ABL2: variants seen among roughly 807,000 people sequenced by gnomAD.
ABL2 encodes the protein tyrosine-protein kinase ABL2.
ABL2 carries 49 observed loss-of-function variants against 107.7 expected under a neutral mutation model. That is an observed-to-expected ratio of 0.45 (90% CI 0.36 to 0.58). ABL2 has a LOEUF of 0.58. Among genes scored for constraint, ABL2 ranks in the 20% least tolerant of loss-of-function variants. The pLI, the probability that ABL2 is intolerant of heterozygous loss-of-function variation, is 0.00. For synonymous variants in ABL2, 549 were observed against 548.6 expected (o/e 1.00, Z -0.01); for missense variants, 1,245 against 1,457.0 (o/e 0.85, Z 2.37).
intron 1 of ABL2, among the ~76,000 whole-genome samples, chr1:179,146,488 A>AT (rs984500188): frequency 1.3e-4 from 20 of 152,126 alleles, no homozygotes; most frequent in South Asian, 4.1e-4. Flanking sequence ...ATTTTTTCAG[A>AT]TTTTAGAATA....
chr1:179,174,904 A>AG (rs1557975104), intron 1 of ABL2, among the ~76,000 whole-genome samples: 1 of 132,102 alleles, frequency 7.6e-6, no homozygotes, highest in Admixed American at 8.5e-5. Context: ...TCAAAAAAAA[A>AG]AAAATAAAAT....
chr1:179,120,216 T>C lies in ABL2; in HGVS notation c.1019A>G (p.Lys340Arg). ...TAAAAGTTGTACCAGATTAGGATGC[T>C]TGATTTCCTTCATTACTGCAGCTTC... The part of the protein sequence containing the change: ...LKEAAVMKEI[K>R]HPNLVQLLGV... Residue 340 changes from lysine to arginine, a missense_variant, in exon 6 of 12, where the codon AAG becomes AGG. By Grantham distance (26) the Lys-to-Arg change is conservative. Around this residue, in one of 3 missense-constraint regions of ABL2, gnomAD observed 320 missense variants for 547.0 expected, o/e 0.59. Transcript: ENST00000502732. 4 of 1,607,578 alleles carry C rather than the reference T, an allele frequency of 2.5e-6. No individual in the cohort carries two copies. Among genetic ancestry groups the C allele is most frequent in the Non-Finnish European group, 3.4e-6 (4 of 1,176,724 alleles).
intron 1 of ABL2, among the ~76,000 whole-genome samples, chr1:179,193,590 G>C (rs1333708387): frequency 2.6e-5 from 4 of 152,038 alleles, no homozygotes; most frequent in African/African-American, 9.7e-5. Context: ...ATTTTTAGTA[G>C]AGATGGGGTT....
intron 1 of ABL2, among the ~76,000 whole-genome samples, chr1:179,187,749 C>T (rs987639395): frequency 6.6e-6 from 1 of 152,152 alleles, no homozygotes; most frequent in Admixed American, 6.5e-5. Context: ...ATAATACTAA[C>T]TAAATTTGAT....
At chr1:179,181,946 A>ATT (rs34828452) in intron 1 of ABL2, among the ~76,000 whole-genome samples, 9,066 of 91,162 alleles carry the variant, frequency 0.099, 590 homozygotes, top group African/African-American at 0.11. Context: ...AGGCCCGGCT[A>ATT]TTTTTTTTTT....
chr1:179,145,232 G>A (rs917975468), intron 1 of ABL2, among the ~76,000 whole-genome samples: 12 of 152,046 alleles, frequency 7.9e-5, no homozygotes, highest in Non-Finnish European at 1.8e-4. Flanking sequence ...TCTGCAAATG[G>A]ATGGCTATAC....
rs12047886 is a variant in ABL2, at chr1:179,158,732, A to C, written c.158-25358T>G. Among the ~76,000 whole-genome samples, 54 of 152,332 alleles carry C rather than the reference A, an allele frequency of 3.5e-4. 1 individual carries two copies. The East Asian group carries it at 7.1e-3, about 20-fold the overall frequency. On this transcript the variant is annotated intron_variant, in intron 1 of 11. Transcript: ENST00000502732. ...GAATATAGATGCAAAAGTCCTCAAT[A>C]AATTATTTAATACTAGCAAACCAAA... is the stretch of plus-strand genomic sequence containing the variant.
chr1:179,114,091 C>T (rs1654374944), intron 9 of ABL2, among the ~76,000 whole-genome samples: 1 of 150,396 alleles, frequency 6.6e-6, no homozygotes, highest in Non-Finnish European at 1.5e-5. Context: ...CCCATCTCTA[C>T]CAAAAATACA....
intron 1 of ABL2, among the ~76,000 whole-genome samples, chr1:179,170,057 C>G (rs1432598394): frequency 6.6e-6 from 1 of 152,086 alleles, no homozygotes; most frequent in Non-Finnish European, 1.5e-5. Context: ...AACAACAAAA[C>G]ATGTTTATTT....
intron 5 of ABL2, among the ~76,000 whole-genome samples, chr1:179,120,693 A>G (rs1655110015): frequency 6.6e-6 from 1 of 152,200 alleles, no homozygotes; most frequent in South Asian, 2.1e-4. Flanking sequence ...TGCTGGGATT[A>G]CAGGTGTGAG....
At chr1:179,225,610 G>T (rs1571354270) in intron 1 of ABL2, among the ~76,000 whole-genome samples, 1 of 152,150 alleles carries the variant, frequency 6.6e-6, no homozygotes, top group African/African-American at 2.4e-5. Context: ...TTTATAACAA[G>T]TAAGGGGCAA....
chr1:179,226,310 C>CTTTTCT (rs1663205418), intron 1 of ABL2, among the ~76,000 whole-genome samples: 2 of 131,006 alleles, frequency 1.5e-5, no homozygotes, highest in African/African-American at 5.6e-5. Flanking sequence ...ATTATCCCTA[C>CTTTTCT]TTTTTTTTTT....
chr1:179,127,654 T>C (rs1655860963), intron 3 of ABL2, among the ~76,000 whole-genome samples: 1 of 152,190 alleles, frequency 6.6e-6, no homozygotes, highest in Non-Finnish European at 1.5e-5. Flanking sequence ...CAGGCTCTTA[T>C]CTCTAAGAGA....
chr1:179,137,561 AAAACTC>A (rs1657154408), intron 1 of ABL2, among the ~76,000 whole-genome samples: 1 of 152,224 alleles, frequency 6.6e-6, no homozygotes, highest in Non-Finnish European at 1.5e-5. Flanking sequence ...TTATAAGAGA[AAAACTC>A]AACAGTAAAA....
chr1:179,212,163 A>G (rs898454408), intron 1 of ABL2, among the ~76,000 whole-genome samples: 1 of 152,198 alleles, frequency 6.6e-6, no homozygotes, highest in African/African-American at 2.4e-5. Context: ...GTGAGAACTT[A>G]CCATCAGGAG....
intron 1 of ABL2, among the ~76,000 whole-genome samples, chr1:179,198,620 G>C (rs1281521815): frequency 1.4e-5 from 2 of 147,818 alleles, no homozygotes; most frequent in Non-Finnish European, 3.0e-5. Flanking sequence ...TGGAACCAGG[G>C]GGGCAGAGGC....
intron 1 of ABL2, among the ~76,000 whole-genome samples, chr1:179,200,417 T>C (rs1434968869): frequency 6.6e-6 from 1 of 152,212 alleles, no homozygotes; most frequent in Non-Finnish European, 1.5e-5. Flanking sequence ...TATATTTCTA[T>C]ACAGTACAGA....
chr1:179,131,197 G>A, intron 3 of ABL2, 114 bp downstream of exon 3: 1 of 1,168,194 alleles, frequency 8.6e-7, no homozygotes, highest in Admixed American at 2.6e-5. Flanking sequence ...GCCCGCCTTG[G>A]CCTCCCAAAG....
chr1:179,171,729 G>A (rs1299544679), intron 1 of ABL2, among the ~76,000 whole-genome samples: 1 of 152,146 alleles, frequency 6.6e-6, no homozygotes, highest in East Asian at 1.9e-4. Flanking sequence ...TCACTCTGTT[G>A]TCCAAACCCT....
Sources: gnomAD v4.1 joint callset for allele counts (sites outside exome capture counted in the v4.1 genomes callset) on GRCh38, gnomAD v4.1.1 for gene constraint, gnomAD v4.1.1 regional missense constraint, MANE v1.5 for transcripts, NCBI Gene and HGNC (gene_info 2026-07-23, HGNC 2026-07-21) for gene names.